The following UTRN variants were observed in gnomAD, a reference collection of about 807,000 sequenced individuals.
UTRN encodes utrophin, also known as dystrophin-related protein 1.
A neutral mutation model predicts 463.9 loss-of-function variants in UTRN; 283 were observed. The observed-to-expected ratio is 0.61, with a 90% confidence interval of 0.55 to 0.67. The LOEUF is 0.67. Ranked by LOEUF, UTRN falls within the 30% of genes least tolerant of loss-of-function variation. UTRN has a pLI of 0.00. For missense variants in UTRN, 3,922 were observed against 4,084.3 expected (o/e 0.96, Z 1.08); for synonymous variants, 1,442 against 1,431.5 (o/e 1.01, Z -0.17).
rs764211377 is a variant in UTRN, at chr6:144,542,221, G to A, written c.6520-574G>A. Reference sequence around the variant, plus strand: ...GAATCTTCAGAAGAGTTTATGAAACGGGTGTCAGGGAAGATAGGGATAAGG... The same window carrying A: ...GAATCTTCAGAAGAGTTTATGAAACAGGTGTCAGGGAAGATAGGGATAAGG... On this transcript the variant is annotated intron_variant, in intron 45 of 74. Transcript: ENST00000367545. 1.8e-4 allele frequency among the ~76,000 whole-genome samples: 27 copies of A among 152,158 alleles called. 1 individual carries two copies. Among genetic ancestry groups the A allele is most frequent in the East Asian group, 1.9e-4 (1 of 5,192 alleles).
chr6:144,830,845 C>T (rs1780616091), intron 69 of UTRN, among the ~76,000 whole-genome samples: 1 of 152,086 alleles, frequency 6.6e-6, no homozygotes, highest in African/African-American at 2.4e-5. Flanking sequence ...AGATTGAATA[C>T]TCCTGATTCA....
intron 10 of UTRN, 132 bp downstream of exon 10, chr6:144,436,270 G>A: frequency 1.0e-6 from 1 of 960,146 alleles, no homozygotes; most frequent in Non-Finnish European, 1.5e-6. Context: ...TTCAGGAACT[G>A]TGATATTTAA....
intron 64 of UTRN, among the ~76,000 whole-genome samples, chr6:144,799,112 G>A (rs1222448447): frequency 6.6e-6 from 1 of 152,230 alleles, no homozygotes; most frequent in Non-Finnish European, 1.5e-5. Context: ...AGTCAAATCA[G>A]GAGGGCTGGG....
chr6:144,560,559 G>A (rs1799775510), intron 50 of UTRN, among the ~76,000 whole-genome samples: 1 of 152,134 alleles, frequency 6.6e-6, no homozygotes, highest in African/African-American at 2.4e-5. Context: ...AAATTCTGGA[G>A]GGGTGAAGGG....
At chr6:144,495,332 A>G (rs1207330532) in intron 33 of UTRN, among the ~76,000 whole-genome samples, 2 of 152,252 alleles carry the variant, frequency 1.3e-5, no homozygotes, top group Non-Finnish European at 2.9e-5. Context: ...AATTGAGCGC[A>G]GCGCCGGTGG....
intron 51 of UTRN, among the ~76,000 whole-genome samples, chr6:144,588,873 T>A (rs1404493397): frequency 6.6e-6 from 1 of 152,230 alleles, no homozygotes; most frequent in Non-Finnish European, 1.5e-5. Flanking sequence ...ATGTTATGCC[T>A]TGGTAGCTTT....
At chr6:144,322,334 T>C (rs1775710074) in intron 2 of UTRN, among the ~76,000 whole-genome samples, 1 of 147,686 alleles carries the variant, frequency 6.8e-6, no homozygotes, top group Admixed American at 6.6e-5. Flanking sequence ...CAGTGTGTCC[T>C]GCACTGGTGA....
intron 58 of UTRN, among the ~76,000 whole-genome samples, chr6:144,760,808 T>C (rs1365859008): frequency 6.6e-6 from 1 of 152,198 alleles, no homozygotes; most frequent in Non-Finnish European, 1.5e-5. Flanking sequence ...TGTATATGGC[T>C]AACAAAAAAT....
intron 53 of UTRN, among the ~76,000 whole-genome samples, chr6:144,716,491 C>CA (rs1383171425): frequency 6.6e-6 from 1 of 151,978 alleles, no homozygotes; most frequent in South Asian, 2.1e-4. Flanking sequence ...GTTACAAATA[C>CA]AAAAAATGGG....
intron 60 of UTRN, 45 bp downstream of exon 60, chr6:144,774,409 G>GTT (rs10650309): frequency 0.022 from 27,417 of 1,258,646 alleles, 155 homozygotes; most frequent in African/African-American, 0.11. Flanking sequence ...CTTGAATTGC[G>GTT]TTTTTTTTTT....
intron 65 of UTRN, among the ~76,000 whole-genome samples, chr6:144,806,186 C>T (rs1432923785): frequency 6.6e-6 from 1 of 152,130 alleles, no homozygotes; most frequent in Non-Finnish European, 1.5e-5. Context: ...CAACAGTTGT[C>T]ATGCAGTAGG....
Position 144,424,076 on chromosome 6 carries a change from C to T in UTRN, c.403C>T (p.Gln135Ter). ...GLLWSIILHWQVKDVMKDVMS... is the reference protein window; with the variant it reads ...GLLWSIILHW ...ACTTTGGAGCATCATTTTGCACTGG[C>T]AGGTGGGGAAATTTCCAATCACTTT... Residue 135 changes from glutamine (Q) to a stop codon, truncating the protein, a stop_gained and splice_region_variant, in exon 6 of 75, where the codon CAG becomes TAG. Coordinates refer to ENST00000367545, the MANE Select transcript of UTRN (RefSeq NM_007124.3). LOFTEE classifies it high-confidence loss of function. The T allele has an allele frequency of 6.2e-7, 1 of 1,612,842 alleles. No individual in the cohort carries two copies. Among genetic ancestry groups the T allele is most frequent in the South Asian group, 1.1e-5 (1 of 90,936 alleles).
At position 144,437,642 on chromosome 6, in the gene UTRN, AG is replaced by A; in HGVS notation, c.1139del (p.Gly380GlufsTer15). 1 of 1,614,148 alleles carries A rather than the reference AG, an allele frequency of 6.2e-7. No individual in the cohort carries two copies. The stretch of plus-strand genomic sequence containing the variant: ...AGGCAGGCAACCAACTGATAACACA[AG>A]GAACTCTGTCAGACGAAGAAGAATT... ...LQAGNQLITQ[G>X]TLSDEEEFEI... On this transcript the variant is annotated frameshift_variant, in exon 11 of 75. Transcript: ENST00000367545. LOFTEE classifies it high-confidence loss of function.
At chr6:144,610,377 G>A (rs1805367701) in intron 51 of UTRN, among the ~76,000 whole-genome samples, 1 of 151,996 alleles carries the variant, frequency 6.6e-6, no homozygotes, top group Admixed American at 6.6e-5. Context: ...CATGAAGAAG[G>A]AGAAAACCTG....
chr6:144,397,641 T>G (rs984682646), intron 2 of UTRN, among the ~76,000 whole-genome samples: 5 of 152,086 alleles, frequency 3.3e-5, no homozygotes, highest in African/African-American at 1.2e-4. Flanking sequence ...TGTGAGGTAT[T>G]GAGTCTGAGG....
At chr6:144,477,870 T>TTTATCTAC (rs1554264120) in intron 25 of UTRN, among the ~76,000 whole-genome samples, 1 of 31,090 alleles carries the variant, frequency 3.2e-5, no homozygotes, top group Admixed American at 3.6e-4. Context: ...AGTTTGTATC[T>TTTATCTAC]CTATCTATCT....
intron 2 of UTRN, among the ~76,000 whole-genome samples, chr6:144,371,293 G>T (rs188976484): frequency 2.0e-5 from 3 of 152,078 alleles, no homozygotes; most frequent in Admixed American, 2.0e-4. Context: ...TCCTTTCCAT[G>T]CCAGTATTAG....
chr6:144,849,449 TCTC>T (rs771980523), intron 74 of UTRN, among the ~76,000 whole-genome samples: 1 of 152,096 alleles, frequency 6.6e-6, no homozygotes, highest in Admixed American at 6.5e-5. Flanking sequence ...GAGGAGGCCT[TCTC>T]CTCCTACTCT....
At chr6:144,394,943 A>G (rs185963913) in intron 2 of UTRN, among the ~76,000 whole-genome samples, 339 of 152,276 alleles carry the variant, frequency 2.2e-3, no homozygotes, top group African/African-American at 6.7e-3. Context: ...TGAAGGTCAA[A>G]TCACTGGAAT....
Sources: allele counts gnomAD v4.1 joint callset (sites outside exome capture counted in the v4.1 genomes callset), GRCh38; gene constraint gnomAD v4.1.1; transcripts MANE v1.5; gene names NCBI Gene and HGNC (gene_info 2026-07-23, HGNC 2026-07-21).